Variants in C4orf51 observed in about 807,000 individuals in gnomAD.
C4orf51 encodes the protein uncharacterized protein C4orf51.
In C4orf51, 25 loss-of-function variants were observed where a neutral mutation model predicts 25.2. The observed-to-expected ratio is 0.99, with a 90% CI of 0.72 to 1.39. The LOEUF (loss-of-function observed/expected upper bound fraction) is 1.39, where lower values mean the gene tolerates loss of function less well. C4orf51 is among the 40% of genes most tolerant of loss of function. The probability of loss-of-function intolerance (pLI) is 0.00; values close to 1 mark genes in which losing one functional copy is unlikely to be tolerated. For missense variants in C4orf51, 252 were observed against 239.6 expected, an observed-to-expected ratio of 1.05 and a Z score of -0.34; for synonymous variants, 100 against 84.5, an observed-to-expected ratio of 1.18 and a Z score of -1.01.
chr4:145,683,129 A>G (rs1384659627), intron 1 of C4orf51, among the ~76,000 whole-genome samples: 1 of 152,210 alleles, frequency 6.6e-6, no homozygotes, highest in Non-Finnish European at 1.5e-5. Flanking sequence ...GGAATTTTAA[A>G]TAAAAAACAT....
At chr4:145,727,053 A>C in intron 3 of C4orf51, 84 bp downstream of exon 3, 1 of 1,109,300 alleles carries the variant, frequency 9.0e-7, no homozygotes. Flanking sequence ...AAAAAAACAA[A>C]AGGGGTTAAA....
At chr4:145,720,574 T>G (rs1056772116) in intron 2 of C4orf51, among the ~76,000 whole-genome samples, 1 of 152,216 alleles carries the variant, frequency 6.6e-6, no homozygotes, top group South Asian at 2.1e-4. Context: ...GGGAGTGTTC[T>G]TCTTGCTCTT....
chr4:145,680,283 G>C lies in C4orf51; in HGVS notation c.80G>C (p.Arg27Thr), dbSNP rs545069205. 1 of 1,613,956 alleles carries C rather than the reference G, an allele frequency of 6.2e-7. No individual in the cohort carries two copies. Among genetic ancestry groups the C allele is most frequent in the African/African-American group, 1.3e-5 (1 of 75,048 alleles). ...PLTSQEFDLI[R>T]RKAGASWQDE... The stretch of plus-strand genomic sequence containing the variant: ...ACTTCTCAAGAGTTTGATCTGATCA[G>C]ACGCAAGGCTGGAGCATCTTGGCAG... The change falls in exon 1 of 6, where the codon AGA (arginine) becomes ACA (threonine). Residue 27 changes from arginine to threonine, a missense_variant. Physicochemically the swap from Arg to Thr is moderately conservative, Grantham distance 71. Coordinates refer to ENST00000438731, the MANE Select transcript of C4orf51 (RefSeq NM_001080531.3).
downstream of C4orf51, chr4:145,758,459 C>T (rs1261312905): frequency 6.6e-6 from 1 of 152,218 alleles, no homozygotes; most frequent in Non-Finnish European, 1.5e-5. Context: ...TTCGCCTTTT[C>T]TACCAGCCTC....
chr4:145,758,136 C>T (rs1464767357), downstream of C4orf51: 3 of 152,024 alleles, frequency 2.0e-5, no homozygotes, highest in Non-Finnish European at 4.4e-5. Flanking sequence ...AAAAGTCAAA[C>T]AAACTCCAAA....
the C4orf51 span, among the ~76,000 whole-genome samples, chr4:145,791,700 G>A: frequency 1.3e-5 from 2 of 152,164 alleles, no homozygotes; most frequent in Admixed American, 6.5e-5. Context: ...TTATACATAC[G>A]AATAGCTAAG....
At chr4:145,722,203 A>G (rs549338591) in intron 2 of C4orf51, among the ~76,000 whole-genome samples, 1 of 152,276 alleles carries the variant, frequency 6.6e-6, no homozygotes. Context: ...ATCAATACCC[A>G]CCTGCCCTCT....
intron 1 of C4orf51, among the ~76,000 whole-genome samples, chr4:145,686,282 A>G (rs1432405416): frequency 1.3e-5 from 2 of 152,214 alleles, no homozygotes; most frequent in African/African-American, 4.8e-5. Flanking sequence ...TTTAATGAAT[A>G]TAGAGTTTTT....
At position 145,723,060 on chromosome 4, in the gene C4orf51, G is replaced by A. The variant is rs1334092825; in HGVS notation, c.308-3851G>A. Among the ~76,000 whole-genome samples, 3 of 152,112 alleles carry A rather than the reference G, an allele frequency of 2.0e-5. 1 individual carries two copies. The highest frequency in any genetic ancestry group is 4.1e-4 in the South Asian group (2 of 4,824). On this transcript the variant is annotated intron_variant, in intron 2 of 5. Coordinates refer to ENST00000438731, the MANE Select transcript of C4orf51 (RefSeq NM_001080531.3). ...AATGTAAGAATAATAGAAATAAAGT[G>A]CACAATAAATATAATGTGCTTGAAT...
At chr4:145,699,201 C>T (rs1486163380) in intron 2 of C4orf51, among the ~76,000 whole-genome samples, 1 of 151,008 alleles carries the variant, frequency 6.6e-6, no homozygotes, top group Non-Finnish European at 1.5e-5. Context: ...AGCCCACCTG[C>T]ACCCAGGTGA....
intron 3 of C4orf51, among the ~76,000 whole-genome samples, chr4:145,727,654 T>C (rs1732137098): frequency 1.3e-5 from 2 of 151,164 alleles, no homozygotes; most frequent in Admixed American, 6.6e-5. Context: ...GACAGGTGGA[T>C]CACCTGAGGT....
At position 145,698,279 on chromosome 4, in the gene C4orf51, G is replaced by T. The variant is rs533634634; in HGVS notation, c.307+1647G>T. Reference sequence around the variant, plus strand: ...AAGGTGAAGGACACATCTGTGAACAGCCTCTGGAAGTCCTGACAACATATG... The same window carrying T: ...AAGGTGAAGGACACATCTGTGAACATCCTCTGGAAGTCCTGACAACATATG... On this transcript the variant is annotated intron_variant, in intron 2 of 5. Transcript: ENST00000438731. Among the ~76,000 whole-genome samples, 30 of 152,298 alleles carry T rather than the reference G, an allele frequency of 2.0e-4. 1 individual carries two copies. In the South Asian group the frequency reaches 6.2e-3, roughly 32 times the overall value.
At chr4:145,730,678 G>T (rs1182099893) in intron 5 of C4orf51, among the ~76,000 whole-genome samples, 1 of 147,074 alleles carries the variant, frequency 6.8e-6, no homozygotes, top group African/African-American at 2.5e-5. Context: ...TATACCATGG[G>T]TTTGATATGC....
chr4:145,767,090 T>A (rs940941176), intron 1 of C4orf51, among the ~76,000 whole-genome samples: 3 of 152,182 alleles, frequency 2.0e-5, no homozygotes, highest in African/African-American at 7.2e-5. Flanking sequence ...TTGAGAATAA[T>A]CAACCAATCA....
intron 1 of C4orf51, among the ~76,000 whole-genome samples, chr4:145,766,075 C>A (rs1323069462): frequency 6.6e-6 from 1 of 151,974 alleles, no homozygotes; most frequent in Non-Finnish European, 1.5e-5. Context: ...TTTGTTTTTT[C>A]AAAAATCCTG....
chr4:145,694,332 A>C (rs1321286820), intron 1 of C4orf51, among the ~76,000 whole-genome samples: 1 of 143,518 alleles, frequency 7.0e-6, no homozygotes, highest in Non-Finnish European at 1.5e-5. Flanking sequence ...ATGGGCAGCC[A>C]GGCAGAGACA....
intron 2 of C4orf51, among the ~76,000 whole-genome samples, chr4:145,700,865 C>T (rs536480671): frequency 1.3e-5 from 2 of 152,178 alleles, no homozygotes; most frequent in Non-Finnish European, 2.9e-5. Context: ...ATCGCCTCCC[C>T]TCCTCACACC....
intron 1 of C4orf51, among the ~76,000 whole-genome samples, chr4:145,691,173 G>C (rs1729537947): frequency 6.6e-6 from 1 of 152,122 alleles, no homozygotes; most frequent in African/African-American, 2.4e-5. Context: ...ACAACAAGTG[G>C]CCAACAAACA....
At chr4:145,733,898 A>G (rs541486538), downstream of C4orf51, among the ~76,000 whole-genome samples, 3 of 152,206 alleles carry the variant, frequency 2.0e-5, no homozygotes, top group East Asian at 3.8e-4. Flanking sequence ...TTCCGAGTCT[A>G]GTACCTCATG....
Sources: allele counts gnomAD v4.1 joint callset (sites outside exome capture counted in the v4.1 genomes callset), GRCh38; gene constraint gnomAD v4.1.1; transcripts MANE v1.5; gene names NCBI Gene and HGNC (gene_info 2026-07-23, HGNC 2026-07-21).